ATAD2: variants seen among roughly 807,000 people sequenced by gnomAD.
ATAD2 encodes ATPase family AAA domain containing 2, also known as ATPase family AAA domain-containing protein 2.
ATAD2 carries 62 observed loss-of-function variants against 168.9 expected under a neutral mutation model. That is an observed-to-expected ratio of 0.37 (90% CI 0.30 to 0.45). The LOEUF is 0.45. Ranked by LOEUF, ATAD2 falls within the 20% of genes least tolerant of loss-of-function variation. ATAD2 has a pLI of 1.00. For missense variants in ATAD2, 1,419 were observed against 1,667.8 expected (o/e 0.85, Z 2.60); for synonymous variants, 613 against 571.6 (o/e 1.07, Z -1.03).
chr8:123,325,804 C>T, intron 26 of ATAD2, 89 bp downstream of exon 26: 1 of 1,482,136 alleles, frequency 6.7e-7, no homozygotes. Context: ...CATGTAAATC[C>T]CATGTAGCCA....
At chr8:123,355,906 T>C (rs930263723) in intron 13 of ATAD2, among the ~76,000 whole-genome samples, 1 of 152,156 alleles carries the variant, frequency 6.6e-6, no homozygotes, top group African/African-American at 2.4e-5. Context: ...TACAACACAC[T>C]GACACTCGGA....
intron 9 of ATAD2, 52 bp from the exon 10 acceptor site, chr8:123,359,737 T>C: frequency 8.2e-7 from 1 of 1,217,426 alleles, no homozygotes; most frequent in Non-Finnish European, 1.2e-6. Context: ...TCACCCTCCT[T>C]CCCAAATTCC....
chr8:123,370,288 TA>T (rs1356798736), intron 6 of ATAD2, among the ~76,000 whole-genome samples: 2 of 152,134 alleles, frequency 1.3e-5, no homozygotes, highest in Admixed American at 1.3e-4. Flanking sequence ...AGGCTACTGT[TA>T]AGCAAGCACC....
chr8:123,350,586 T>C (rs1047398444), intron 13 of ATAD2, among the ~76,000 whole-genome samples: 5 of 152,200 alleles, frequency 3.3e-5, no homozygotes, highest in African/African-American at 1.2e-4. Flanking sequence ...ATTTATTTGT[T>C]GAAGAAACTG....
chr8:123,371,584 G>T, intron 4 of ATAD2, 86 bp downstream of exon 4: 1 of 1,253,664 alleles, frequency 8.0e-7, no homozygotes, highest in Non-Finnish European at 1.1e-6. Flanking sequence ...TGCATTAAAT[G>T]TTTGGGCTGG....
intron 2 of ATAD2, among the ~76,000 whole-genome samples, chr8:123,377,477 T>C (rs1829353726): frequency 6.6e-6 from 1 of 152,144 alleles, no homozygotes; most frequent in African/African-American, 2.4e-5. Context: ...AAACAGGACT[T>C]CCAACATTAA....
chr8:123,360,720 GA>G (rs1171624321), intron 9 of ATAD2, among the ~76,000 whole-genome samples: 3 of 145,772 alleles, frequency 2.1e-5, no homozygotes, highest in Admixed American at 6.8e-5. Context: ...TCTATTAAAA[GA>G]AAAAAAAAAG....
upstream of ATAD2, chr8:123,401,333 A>T: frequency 7.2e-7 from 1 of 1,386,150 alleles, no homozygotes; most frequent in Non-Finnish European, 1.0e-6. Context: ...GGCACCTGTG[A>T]GGATGACAAA....
intron 25 of ATAD2, among the ~76,000 whole-genome samples, chr8:123,327,082 T>C (rs1333317972): frequency 6.6e-6 from 1 of 152,074 alleles, no homozygotes; most frequent in Admixed American, 6.6e-5. Context: ...CTAATTTTTG[T>C]ATTTTTAGTA....
Position 123,323,054 on chromosome 8 carries a change from TC to T in ATAD2, c.4014del (p.Thr1339LeufsTer20). ...VDHERLKNLLKTVVKKSQNYN... is the reference protein window; with the variant it reads ...VDHERLKNLLXTVVKKSQNYN... ...TAGTTTTGACTTTTTTTAACAACAG[TC>T]TTCAAAAGATTCTAAAAGAAAATAT... On this transcript the variant is annotated frameshift_variant, in exon 27 of 28. Coordinates refer to ENST00000287394, the MANE Select transcript of ATAD2 (RefSeq NM_014109.4). LOFTEE classifies it high-confidence loss of function. The T allele has an allele frequency of 6.2e-7, 1 of 1,610,236 alleles. No homozygotes were observed. The highest frequency in any genetic ancestry group is 8.5e-7 in the Non-Finnish European group (1 of 1,177,762).
At chr8:123,394,450 G>C (rs1385671791) in intron 1 of ATAD2, among the ~76,000 whole-genome samples, 1 of 152,146 alleles carries the variant, frequency 6.6e-6, no homozygotes, top group Admixed American at 6.5e-5. Context: ...CCAACATACA[G>C]AAACCCTGTC....
chr8:123,371,887 T>G, intron 3 of ATAD2, 52 bp from the exon 4 acceptor site: 1 of 1,386,352 alleles, frequency 7.2e-7, no homozygotes. Context: ...ATAATAGTAT[T>G]TATAAAACAA....
At chr8:123,333,836 T>G (rs1827843583) in intron 24 of ATAD2, 42 bp downstream of exon 24, 10 of 1,541,806 alleles carry the variant, frequency 6.5e-6, no homozygotes, top group Non-Finnish European at 8.8e-6. Context: ...TAGAAAAGAA[T>G]AAAGTTATAA....
At chr8:123,380,433 T>G (rs1455741631) in intron 2 of ATAD2, 96 bp downstream of exon 2, 9 of 1,280,570 alleles carry the variant, frequency 7.0e-6, no homozygotes, top group Non-Finnish European at 8.9e-6. Context: ...CCTAGAACCT[T>G]GATGACCAGT....
intron 3 of ATAD2, 90 bp downstream of exon 3, chr8:123,372,547 T>C: frequency 1.0e-6 from 1 of 967,652 alleles, no homozygotes; most frequent in Non-Finnish European, 1.5e-6. Flanking sequence ...ACTTTAAACA[T>C]GTAAAATTTA....
intron 9 of ATAD2, among the ~76,000 whole-genome samples, chr8:123,360,844 T>C (rs1371155943): frequency 6.6e-6 from 1 of 151,760 alleles, no homozygotes; most frequent in Non-Finnish European, 1.5e-5. Flanking sequence ...ATAAGCTGGT[T>C]AGTATACATG....
intron 1 of ATAD2, among the ~76,000 whole-genome samples, chr8:123,406,045 T>C (rs1384878828): frequency 6.6e-6 from 1 of 152,168 alleles, no homozygotes; most frequent in East Asian, 1.9e-4. Context: ...TAACTTTTGC[T>C]GTTAGAAGTC....
At chr8:123,409,068 C>T (rs945171845) in intron 1 of ATAD2, among the ~76,000 whole-genome samples, 1 of 152,184 alleles carries the variant, frequency 6.6e-6, no homozygotes, top group Non-Finnish European at 1.5e-5. Context: ...TCAGGTGATC[C>T]ACTCGCCTCT....
intron 20 of ATAD2, among the ~76,000 whole-genome samples, chr8:123,338,160 C>T (rs1343278077): frequency 6.6e-6 from 1 of 152,000 alleles, no homozygotes; most frequent in African/African-American, 2.4e-5. Context: ...ATCGAGACCA[C>T]CCTGGCTAAT....
Sources: allele counts gnomAD v4.1 joint callset (sites outside exome capture counted in the v4.1 genomes callset), GRCh38; gene constraint gnomAD v4.1.1; transcripts MANE v1.5; gene names NCBI Gene and HGNC (gene_info 2026-07-23, HGNC 2026-07-21).